The following EIF3H variants were observed in gnomAD, a reference collection of about 807,000 sequenced individuals.
EIF3H encodes eukaryotic translation initiation factor 3 subunit H.
Under a neutral mutation model 44.2 loss-of-function variants are expected in EIF3H, and 26 were observed. The observed-to-expected ratio is 0.59, with a 90% confidence interval of 0.43 to 0.82. The LOEUF is 0.82. Ranked by LOEUF, EIF3H falls within the 40% of genes least tolerant of loss-of-function variation. The pLI, the probability that EIF3H is intolerant of heterozygous loss-of-function variation, is 0.00. For synonymous variants in EIF3H, 166 were observed against 151.9 expected, an observed-to-expected ratio of 1.09 and a Z score of -0.68; for missense variants, 359 against 432.8, an observed-to-expected ratio of 0.83 and a Z score of 1.51.
At chr8:116,697,564 C>A (rs1814290059) in intron 2 of EIF3H, among the ~76,000 whole-genome samples, 1 of 152,202 alleles carries the variant, frequency 6.6e-6, no homozygotes, top group Non-Finnish European at 1.5e-5. Context: ...CTTAAAGCCA[C>A]TATAAAGAGG....
At chr8:116,677,660 G>T (rs567298880) in intron 2 of EIF3H, among the ~76,000 whole-genome samples, 4 of 152,254 alleles carry the variant, frequency 2.6e-5, no homozygotes, top group African/African-American at 9.6e-5. Flanking sequence ...CATACTGCAC[G>T]TAAGGTAGGT....
intron 2 of EIF3H, among the ~76,000 whole-genome samples, chr8:116,666,484 A>T (rs1586440905): frequency 6.6e-6 from 1 of 152,058 alleles, no homozygotes; most frequent in East Asian, 1.9e-4. Context: ...ATGAGATCTT[A>T]TTTCTTTGAG....
intron 5 of EIF3H, among the ~76,000 whole-genome samples, chr8:116,652,907 G>A (rs1813420432): frequency 6.6e-6 from 1 of 152,152 alleles, no homozygotes; most frequent in African/African-American, 2.4e-5. Context: ...TTTTACCAGT[G>A]AGCAACCTGA....
At chr8:116,725,000 T>C (rs936246266) in intron 2 of EIF3H, among the ~76,000 whole-genome samples, 1 of 152,214 alleles carries the variant, frequency 6.6e-6, no homozygotes, top group Non-Finnish European at 1.5e-5. Context: ...TGCAGCATTA[T>C]TCACAATAGC....
chr8:116,756,927 C>T (rs940883038), upstream of EIF3H, among the ~76,000 whole-genome samples: 1 of 152,154 alleles, frequency 6.6e-6, no homozygotes, highest in African/African-American at 2.4e-5. Flanking sequence ...AAGAAAATCT[C>T]GCATGGAAGA....
chr8:116,690,267 A>G (rs1459091121), intron 2 of EIF3H, among the ~76,000 whole-genome samples: 1 of 152,228 alleles, frequency 6.6e-6, no homozygotes, highest in African/African-American at 2.4e-5. Flanking sequence ...CAGAAAATAC[A>G]GCAATATAAA....
Position 116,697,824 on chromosome 8 carries a change from T to A in EIF3H, c.289+28192A>T, listed in dbSNP as rs1814294341. 2.0e-5 allele frequency among the ~76,000 whole-genome samples: 3 copies of A among 152,248 alleles called. 1 individual carries two copies. Among genetic ancestry groups the A allele is most frequent in the Admixed American group, 2.0e-4 (3 of 15,290 alleles). ...GATTGGTCTTGAAATTTGATGAGCA[T>A]CTCAATTGATTAAGTTAAATTATGC... On this transcript the variant is annotated intron_variant, in intron 2 of 7. Transcript: ENST00000521861.
At chr8:116,696,348 A>G (rs907708667) in intron 2 of EIF3H, among the ~76,000 whole-genome samples, 3 of 152,264 alleles carry the variant, frequency 2.0e-5, no homozygotes, top group African/African-American at 7.2e-5. Flanking sequence ...ACTTGTTAAT[A>G]GCCCACTGAA....
chr8:116,648,438 T>A (rs1813339718), intron 6 of EIF3H, among the ~76,000 whole-genome samples: 1 of 152,206 alleles, frequency 6.6e-6, no homozygotes, highest in Non-Finnish European at 1.5e-5. Context: ...GTTTTTTAAA[T>A]GAACTGAAGA....
chr8:116,648,377 T>C (rs757388144), intron 6 of EIF3H, among the ~76,000 whole-genome samples: 3 of 152,224 alleles, frequency 2.0e-5, no homozygotes, highest in Non-Finnish European at 4.4e-5. Flanking sequence ...TTCACAGCAG[T>C]TGGTCTATTA....
At chr8:116,716,113 A>C (rs1814655792) in intron 2 of EIF3H, among the ~76,000 whole-genome samples, 2 of 152,100 alleles carry the variant, frequency 1.3e-5, no homozygotes, top group Non-Finnish European at 2.9e-5. Flanking sequence ...GCATAATCTA[A>C]CACAGAACAA....
upstream of EIF3H, among the ~76,000 whole-genome samples, chr8:116,756,446 A>G (rs1815450799): frequency 6.6e-6 from 1 of 152,252 alleles, no homozygotes; most frequent in Non-Finnish European, 1.5e-5. Context: ...TCTAAAAATC[A>G]CGCTGATTTA....
At chr8:116,683,420 G>A (rs10109369) in intron 2 of EIF3H, among the ~76,000 whole-genome samples, 82,578 of 151,940 alleles carry the variant, frequency 0.54, 24,387 homozygotes, top group Non-Finnish European at 0.67. Context: ...GAAGAGTCAC[G>A]CTCTCTTGTG....
chr8:116,696,102 G>T (rs1374601286), intron 2 of EIF3H, among the ~76,000 whole-genome samples: 1 of 152,176 alleles, frequency 6.6e-6, no homozygotes, highest in Non-Finnish European at 1.5e-5. Context: ...GCATGCTCAG[G>T]GTGTTCTTGG....
intron 2 of EIF3H, among the ~76,000 whole-genome samples, chr8:116,709,048 C>T (rs971584618): frequency 1.3e-5 from 2 of 151,116 alleles, no homozygotes; most frequent in African/African-American, 2.4e-5. Flanking sequence ...GTCTAAATCG[C>T]AAAGATGACA....
chr8:116,706,990 C>T (rs192020615), intron 2 of EIF3H, among the ~76,000 whole-genome samples: 41 of 152,262 alleles, frequency 2.7e-4, no homozygotes, highest in African/African-American at 8.9e-4. Context: ...TTTATCGGGA[C>T]GTGACCCCAT....
At chr8:116,736,536 C>A (rs1189661229) in intron 1 of EIF3H, among the ~76,000 whole-genome samples, 1 of 152,052 alleles carries the variant, frequency 6.6e-6, no homozygotes, top group African/African-American at 2.4e-5. Context: ...GTGGCACGCG[C>A]CTATAGTTCC....
At chr8:116,708,004 C>CT (rs1254485265) in intron 2 of EIF3H, among the ~76,000 whole-genome samples, 1 of 151,936 alleles carries the variant, frequency 6.6e-6, no homozygotes, top group African/African-American at 2.4e-5. Flanking sequence ...AAGTACAGTC[C>CT]TACTCTCAAA....
intron 2 of EIF3H, among the ~76,000 whole-genome samples, chr8:116,681,954 G>T (rs1413353061): frequency 6.6e-6 from 1 of 152,184 alleles, no homozygotes; most frequent in Non-Finnish European, 1.5e-5. Context: ...AAGCAAATGA[G>T]AGATGCAAGA....
Sources: allele counts gnomAD v4.1 joint callset (sites outside exome capture counted in the v4.1 genomes callset), GRCh38; gene constraint gnomAD v4.1.1; transcripts MANE v1.5; gene names NCBI Gene and HGNC (gene_info 2026-07-23, HGNC 2026-07-21).